TF: variants seen among roughly 807,000 people sequenced by gnomAD.
The protein encoded by TF is transferrin, also known as serotransferrin.
TF carries 55 observed loss-of-function variants against 82.4 expected under a neutral mutation model. That is an observed-to-expected ratio of 0.67 (90% confidence interval 0.54 to 0.84). The LOEUF (loss-of-function observed/expected upper bound fraction) is 0.84. Among genes scored for constraint, TF ranks in the 40% least tolerant of loss-of-function variants. The pLI is 0.00. For synonymous variants in TF, 332 were observed against 332.6 expected (o/e 1.00, Z 0.02); for missense variants, 737 against 868.4 (o/e 0.85, Z 1.90).
At chr3:133,723,819 C>A in the TF span, among the ~76,000 whole-genome samples, 7 of 151,864 alleles carry the variant, frequency 4.6e-5, no homozygotes, top group South Asian at 2.1e-4. Flanking sequence ...CCCCACCCCA[C>A]CACAGTCCCC....
chr3:133,680,775 C>A, the TF span, among the ~76,000 whole-genome samples: 1 of 152,168 alleles, frequency 6.6e-6, no homozygotes, highest in East Asian at 1.9e-4. Flanking sequence ...TGTACTATTT[C>A]TTTTAATATT....
the TF span, among the ~76,000 whole-genome samples, chr3:133,726,276 C>A: frequency 6.6e-6 from 1 of 152,174 alleles, no homozygotes; most frequent in Non-Finnish European, 1.5e-5. Flanking sequence ...GGCTGTGAAT[C>A]CATCTGGTCC....
intron 16 of TF, 134 bp downstream of exon 16, chr3:133,777,372 A>G (rs1322642819): frequency 1.2e-6 from 1 of 831,250 alleles, no homozygotes; most frequent in Non-Finnish European, 2.0e-6. Context: ...TGGTGAGTGA[A>G]CAATCTAAGC....
the TF span, among the ~76,000 whole-genome samples, chr3:133,692,593 C>G: frequency 6.6e-6 from 1 of 152,146 alleles, no homozygotes; most frequent in East Asian, 1.9e-4. Flanking sequence ...TGTTTATTGC[C>G]TTGAAAAGGG....
chr3:133,729,384 C>T, the TF span, among the ~76,000 whole-genome samples: 128 of 152,346 alleles, frequency 8.4e-4, 2 homozygotes, highest in East Asian at 0.02. Context: ...CCCCCAGCCT[C>T]GCTGCTGCCT....
At chr3:133,708,165 C>G in the TF span, among the ~76,000 whole-genome samples, 4 of 151,992 alleles carry the variant, frequency 2.6e-5, no homozygotes, top group East Asian at 7.7e-4. Context: ...AAAATACCTA[C>G]TAGTATAGAT....
In TF at chr3:133,759,323, G is replaced by C. The variant is rs1933922688; in HGVS notation, c.1197G>C (p.Lys399Asn). The C allele has an allele frequency of 6.2e-7, 1 of 1,613,444 alleles. No homozygotes were observed. Among genetic ancestry groups the C allele is most frequent in the African/African-American group, 1.3e-5 (1 of 74,854 alleles). Reference protein sequence around the residue: ...SAETTEDCIAKIMNGEADAMS... With the variant: ...SAETTEDCIANIMNGEADAMS... ...AGACCACCGAAGACTGCATCGCCAAGATCATGGTATGTCACTCCAGCCTTC... is the reference window on the plus strand; with the variant it reads ...AGACCACCGAAGACTGCATCGCCAACATCATGGTATGTCACTCCAGCCTTC... Residue 399 changes from lysine to asparagine, a missense_variant, in exon 9 of 17, where the codon AAG becomes AAC. By Grantham distance (94) the Lys-to-Asn change is moderately conservative. Transcript: ENST00000402696.
chr3:133,673,327 A>G, the TF span, among the ~76,000 whole-genome samples: 1 of 152,382 alleles, frequency 6.6e-6, no homozygotes, highest in East Asian at 1.9e-4. Flanking sequence ...CCAACTAATA[A>G]GACAACTCAG....
the TF span, among the ~76,000 whole-genome samples, chr3:133,678,101 A>G: frequency 6.6e-6 from 1 of 152,158 alleles, no homozygotes; most frequent in Non-Finnish European, 1.5e-5. Flanking sequence ...ATGAGTGAGA[A>G]CATGTGGTAT....
intron 2 of TF, among the ~76,000 whole-genome samples, chr3:133,752,639 A>C (rs1224609202): frequency 6.6e-6 from 1 of 152,218 alleles, no homozygotes; most frequent in African/African-American, 2.4e-5. Context: ...GAGGGCTTAC[A>C]GAAGCACAAA....
rs1381144302 is a variant in TF at position 133,793,537 on chromosome 3, A to G, written c.*14917A>G. On this transcript the variant is annotated 3_prime_UTR_variant, in exon 17 of 17. Transcript: ENST00000402696. ...TCTTCTTCAGGTTATATTTTAGTGAATAATATTAATATATGTTCCAAAATT... is the reference window on the plus strand; with the variant it reads ...TCTTCTTCAGGTTATATTTTAGTGAGTAATATTAATATATGTTCCAAAATT... The G allele has an allele frequency of 6.6e-6, 1 of 152,168 alleles. No homozygotes were observed. The highest frequency in any genetic ancestry group is 1.5e-5 in the Non-Finnish European group (1 of 67,994). 9.4% of individuals were successfully genotyped at this position (152,168 alleles called of 1,614,324 possible).
upstream of TF, among the ~76,000 whole-genome samples, chr3:133,741,291 C>G (rs553915976): frequency 6.6e-6 from 1 of 152,256 alleles, no homozygotes; most frequent in Admixed American, 6.5e-5. Flanking sequence ...CCATGCCCAG[C>G]TTTAACTCAT....
rs1366830138 is a variant in TF, at chr3:133,787,495, G to C, written c.*8875G>C. On this transcript the variant is annotated 3_prime_UTR_variant, in exon 17 of 17. Transcript: ENST00000402696. ...CAGTGGAAAGTTATATGAAATATCTGGTCTCTCTAGATAGTTAGAAATGCT... is the reference window on the plus strand; with the variant it reads ...CAGTGGAAAGTTATATGAAATATCTCGTCTCTCTAGATAGTTAGAAATGCT... 1 of 152,128 alleles carries C rather than the reference G, an allele frequency of 6.6e-6. No homozygotes were observed. Among genetic ancestry groups the C allele is most frequent in the Non-Finnish European group, 1.5e-5 (1 of 68,036 alleles). The allele number at this position is 152,128 out of a possible 1,614,324, so 9.4% of individuals were successfully genotyped here. A position where few individuals can be genotyped will look rare whatever the true frequency, so the allele number is the denominator to read the frequency against.
At chr3:133,719,783 CT>C in the TF span, among the ~76,000 whole-genome samples, 1 of 152,068 alleles carries the variant, frequency 6.6e-6, no homozygotes, top group African/African-American at 2.4e-5. Context: ...CCTCAATTTT[CT>C]TCATCACAGT....
chr3:133,777,221 G>C lies in TF; in HGVS notation c.2045G>C (p.Arg682Thr), dbSNP rs180822278. The change falls in exon 16 of 17, where the codon AGA becomes ACA. Residue 682 changes from arginine to threonine, a missense_variant. By Grantham distance (71) the Arg-to-Thr change is moderately conservative. Transcript: ENST00000402696. ...EEYVKAVGNL[R>T]KCSTSSLLEA... is the part of the protein sequence containing the mutation. Reference sequence around the variant, plus strand: ...TATGTCAAGGCTGTTGGTAACCTGAGAAAATGCTCCACCTCATGTGAGTAG... The same window carrying C: ...TATGTCAAGGCTGTTGGTAACCTGACAAAATGCTCCACCTCATGTGAGTAG... 8.1e-6 allele frequency: 13 copies of C among 1,612,976 alleles called. No homozygotes were observed. Among genetic ancestry groups the C allele is most frequent in the Admixed American group, 5.0e-5 (3 of 60,014 alleles).
intron 14 of TF, among the ~76,000 whole-genome samples, chr3:133,771,819 AAAAACAAAC>A (rs1934269340): frequency 6.6e-6 from 1 of 151,988 alleles, no homozygotes; most frequent in Non-Finnish European, 1.5e-5. Context: ...TAATATTAAT[AAAAACAAAC>A]AAAACAAAGC....
the TF span, among the ~76,000 whole-genome samples, chr3:133,673,951 G>A: frequency 5.3e-5 from 8 of 152,284 alleles, no homozygotes; most frequent in East Asian, 7.7e-4. Context: ...TGGGTTCAGC[G>A]CTTCACCTGA....
chr3:133,788,625 A>G lies in TF; in HGVS notation c.*10005A>G, dbSNP rs1559884467. The G allele has an allele frequency of 7.1e-6, 1 of 141,156 alleles. No homozygotes were observed. The highest frequency in any genetic ancestry group is 1.6e-5 in the Non-Finnish European group (1 of 62,502). The allele number at this position is 141,156 out of a possible 1,614,324, so 8.7% of individuals were successfully genotyped here. ...TTTCATCTTTTCTTTTCCACTCCAT[A>G]CAGGGGAATCTCTCCCTCTGTCTCT... On this transcript the variant is annotated 3_prime_UTR_variant, in exon 17 of 17. Coordinates refer to ENST00000402696, the MANE Select transcript of TF (RefSeq NM_001063.4).
intron 14 of TF, among the ~76,000 whole-genome samples, chr3:133,772,596 G>A (rs1265141112): frequency 1.3e-5 from 2 of 152,034 alleles, no homozygotes; most frequent in African/African-American, 2.4e-5. Context: ...TTCTGTCAAC[G>A]TTCCCTCCTC....
Sources: gnomAD v4.1 joint callset for allele counts (sites outside exome capture counted in the v4.1 genomes callset) on GRCh38, gnomAD v4.1.1 for gene constraint, MANE v1.5 for transcripts, NCBI Gene and HGNC (gene_info 2026-07-23, HGNC 2026-07-21) for gene names.